NRXN3: variants seen among roughly 807,000 people sequenced by gnomAD.
NRXN3 encodes the protein neurexin III.
A neutral mutation model predicts 137.6 loss-of-function variants in NRXN3; 32 were observed. That is an observed-to-expected ratio of 0.23 (90% confidence interval 0.18 to 0.31). The LOEUF (loss-of-function observed/expected upper bound fraction) is 0.31. Among genes scored for constraint, NRXN3 ranks in the 10% least tolerant of loss-of-function variants. The probability of loss-of-function intolerance (pLI) is 1.00; values close to 1 mark genes in which losing one functional copy is unlikely to be tolerated. For missense variants in NRXN3, 1,574 were observed against 2,062.5 expected (o/e 0.76, Z 4.59); for synonymous variants, 798 against 784.5 (o/e 1.02, Z -0.29).
intron 19 of NRXN3, among the ~76,000 whole-genome samples, chr14:79,713,442 T>C (rs2098812367): frequency 6.9e-6 from 1 of 145,982 alleles, no homozygotes; most frequent in Non-Finnish European, 1.5e-5. Context: ...GTTTTGAGGG[T>C]AACCAACTTT....
At position 79,259,334 on chromosome 14, in the gene NRXN3, C is replaced by CT. The variant is rs112086549; in HGVS notation, c.3263-207879dup. On this transcript the variant is annotated intron_variant, in intron 15 of 20. Coordinates refer to ENST00000335750, the MANE Select transcript of NRXN3 (RefSeq NM_001330195.2). ...CTTTCTTCTAAGCTCTATCTTCCAG[C>CT]TTTTTTTTCCTACCTTCTGTTTCAC... Among the ~76,000 whole-genome samples, 1,118 of 151,860 alleles carry CT rather than the reference C, an allele frequency of 7.4e-3. 14 individuals carry two copies. Among genetic ancestry groups the CT allele is most frequent in the African/African-American group, 0.025 (1,022 of 41,420 alleles).
intron 8 of NRXN3, among the ~76,000 whole-genome samples, chr14:78,730,893 A>G (rs984740052): frequency 6.6e-6 from 1 of 152,208 alleles, no homozygotes; most frequent in African/African-American, 2.4e-5. Context: ...AGCTTTCTGC[A>G]GGCGGAGATT....
chr14:78,762,441 A>G (rs975491111), intron 8 of NRXN3, among the ~76,000 whole-genome samples: 17 of 152,174 alleles, frequency 1.1e-4, no homozygotes, highest in African/African-American at 3.9e-4. Context: ...TCAGAAAGCT[A>G]CGCAATCTCT....
At chr14:79,569,195 G>T (rs2097575462) in intron 16 of NRXN3, among the ~76,000 whole-genome samples, 1 of 151,836 alleles carries the variant, frequency 6.6e-6, no homozygotes, top group Non-Finnish European at 1.5e-5. Flanking sequence ...GTGATACACA[G>T]ATTAATACTA....
intron 1 of NRXN3, among the ~76,000 whole-genome samples, chr14:78,172,789 A>T (rs7152805): frequency 0.45 from 68,005 of 151,716 alleles, 15,815 homozygotes; most frequent in East Asian, 0.55. Flanking sequence ...ATAATAATTT[A>T]AAAAAAATTG....
At chr14:78,881,372 A>G (rs2099128697) in intron 10 of NRXN3, among the ~76,000 whole-genome samples, 2 of 151,692 alleles carry the variant, frequency 1.3e-5, no homozygotes, top group Admixed American at 1.3e-4. Context: ...GAAGATGGGG[A>G]AAGTTTGGAA....
chr14:79,696,468 C>T (rs1316144528), intron 18 of NRXN3, among the ~76,000 whole-genome samples: 1 of 151,566 alleles, frequency 6.6e-6, no homozygotes, highest in Non-Finnish European at 1.5e-5. Flanking sequence ...TTCTTTTTTC[C>T]TTTCTTCATA....
chr14:79,662,751 C>A (rs1431125888), intron 16 of NRXN3, among the ~76,000 whole-genome samples: 1 of 152,016 alleles, frequency 6.6e-6, no homozygotes, highest in Non-Finnish European at 1.5e-5. Context: ...GGAGCAGGAA[C>A]AAGAGAGACA....
At chr14:78,195,535 AG>A (rs1472891233) in intron 1 of NRXN3, among the ~76,000 whole-genome samples, 1 of 152,178 alleles carries the variant, frequency 6.6e-6, no homozygotes, top group African/African-American at 2.4e-5. Flanking sequence ...AACAAAGTAA[AG>A]GGTGGGTGTG....
chr14:79,130,547 A>T (rs538542884), intron 15 of NRXN3, among the ~76,000 whole-genome samples: 14,982 of 151,842 alleles, frequency 0.099, 2,523 homozygotes, highest in African/African-American at 0.34. Flanking sequence ...CCGAGAGATC[A>T]GCTGTTAGTC....
chr14:79,333,736 T>C lies in NRXN3; in HGVS notation c.3263-133485T>C, dbSNP rs1183692117. ...AGATGCTGAAATTGCTAGAGAAATA[T>C]CCATGATGGCTCTTAGCAGTCCTAA... On this transcript the variant is annotated intron_variant, in intron 15 of 20. Coordinates refer to ENST00000335750, the MANE Select transcript of NRXN3 (RefSeq NM_001330195.2). Among the ~76,000 whole-genome samples, 4 of 151,736 alleles carry C rather than the reference T, an allele frequency of 2.6e-5. 1 individual carries two copies. The South Asian group carries it at 6.2e-4, about 24-fold the overall frequency.
At chr14:78,745,285 A>C (rs1285134092) in intron 8 of NRXN3, 1 of 152,280 alleles carries the variant, frequency 6.6e-6, no homozygotes, top group Admixed American at 6.5e-5. Context: ...GGTCAATAGC[A>C]CCAGAATTCT....
intron 19 of NRXN3, among the ~76,000 whole-genome samples, chr14:79,774,733 A>C (rs1037471646): frequency 2.6e-5 from 4 of 152,138 alleles, no homozygotes; most frequent in African/African-American, 7.2e-5. Flanking sequence ...GATTCTAGAT[A>C]TTATTTTCTA....
At chr14:79,028,019 AT>A (rs1441145521) in intron 15 of NRXN3, among the ~76,000 whole-genome samples, 11 of 152,162 alleles carry the variant, frequency 7.2e-5, no homozygotes, top group Admixed American at 6.6e-4. Flanking sequence ...GGATGATAAT[AT>A]TGTTTATCCT....
At position 78,300,791 on chromosome 14, in the gene NRXN3, T is replaced by G. The variant is rs964774037; in HGVS notation, c.757+2931T>G. On this transcript the variant is annotated intron_variant, in intron 4 of 20. Transcript: ENST00000335750. ...TCGATTCTGAATACAGTCCAGATTA[T>G]AAATTAATGCTTTTAACAACAACTG... 3.0e-5 allele frequency: 23 copies of G among 771,000 alleles called. No homozygotes were observed. In the African/African-American group the frequency reaches 4.0e-4, roughly 14 times the overall value. The allele number at this position is 771,000 out of a possible 1,614,324, so 47.8% of individuals were successfully genotyped here. A position where few individuals can be genotyped will look rare whatever the true frequency, so the allele number is the denominator to read the frequency against.
chr14:79,836,005 G>T (rs1255264552), intron 20 of NRXN3, among the ~76,000 whole-genome samples: 2 of 152,148 alleles, frequency 1.3e-5, no homozygotes, highest in Non-Finnish European at 2.9e-5. Context: ...AATCTACATA[G>T]TAAGTTTCAA....
chr14:78,915,242 T>C lies in NRXN3; in HGVS notation c.2276-42000T>C, dbSNP rs539033220. 7.6e-4 allele frequency among the ~76,000 whole-genome samples: 114 copies of C among 149,684 alleles called. 1 individual carries two copies. Among genetic ancestry groups the C allele is most frequent in the African/African-American group, 1.9e-3 (76 of 40,752 alleles). ...TGAGTTTTCAATTTTAGAGTTTCTA[T>C]ATATGGAGTACTGTGTGGTTTATAA... On this transcript the variant is annotated intron_variant, in intron 10 of 20. Coordinates refer to ENST00000335750, the MANE Select transcript of NRXN3 (RefSeq NM_001330195.2).
chr14:79,476,750 C>T (rs993070331), intron 16 of NRXN3, among the ~76,000 whole-genome samples: 12 of 152,038 alleles, frequency 7.9e-5, no homozygotes, highest in East Asian at 5.8e-4. Context: ...GAGCTCATGA[C>T]CACTCAGTGA....
rs190361930 is a variant in NRXN3 at position 78,901,380 on chromosome 14, G to A, written c.2276-55862G>A. ...TTCTCTTTTAATATTTTACATGTAT[G>A]TATTACCCCAACTAGACAGTGTTTT... On this transcript the variant is annotated intron_variant, in intron 10 of 20. Transcript: ENST00000335750. 3.3e-5 allele frequency among the ~76,000 whole-genome samples: 5 copies of A among 151,888 alleles called. No individual in the cohort carries two copies. In the East Asian group the frequency reaches 9.7e-4, roughly 30 times the overall value.
Sources: gnomAD v4.1 joint callset for allele counts (sites outside exome capture counted in the v4.1 genomes callset) on GRCh38, gnomAD v4.1.1 for gene constraint, MANE v1.5 for transcripts, NCBI Gene and HGNC (gene_info 2026-07-23, HGNC 2026-07-21) for gene names.